The following ERMP1 variants were observed in gnomAD, a reference collection of about 807,000 sequenced individuals.
ERMP1 encodes the protein endoplasmic reticulum metallopeptidase 1, also known as Felix-ina.
A neutral mutation model predicts 92.0 loss-of-function variants in ERMP1; 86 were observed. That is an observed-to-expected ratio of 0.93 (90% CI 0.79 to 1.12). ERMP1 has a LOEUF of 1.12. ERMP1 is among the 50% of genes most tolerant of loss of function. The pLI is 0.00. For missense variants in ERMP1, 1,342 were observed against 1,116.3 expected, an observed-to-expected ratio of 1.20 and a Z score of -2.88; for synonymous variants, 530 against 412.8, an observed-to-expected ratio of 1.28 and a Z score of -3.44.
intron 13 of ERMP1, among the ~76,000 whole-genome samples, chr9:5,797,182 A>G (rs1828463326): frequency 6.6e-6 from 1 of 151,634 alleles, no homozygotes; most frequent in South Asian, 2.1e-4. Flanking sequence ...GACTACAGGC[A>G]TGCACCAACA....
chr9:5,822,074 C>T (rs1369078238), intron 4 of ERMP1, among the ~76,000 whole-genome samples: 2 of 151,524 alleles, frequency 1.3e-5, no homozygotes, highest in Admixed American at 1.3e-4. Flanking sequence ...GGCAACATGG[C>T]CAAACCCCAT....
intron 6 of ERMP1, among the ~76,000 whole-genome samples, chr9:5,844,493 C>G (rs1333662518): frequency 6.6e-6 from 1 of 152,140 alleles, no homozygotes; most frequent in African/African-American, 2.4e-5. Flanking sequence ...AGGCTGGTCT[C>G]AAACCCCTAG....
intron 5 of ERMP1, among the ~76,000 whole-genome samples, chr9:5,863,418 T>C (rs1830560839): frequency 1.3e-5 from 2 of 152,182 alleles, no homozygotes; most frequent in South Asian, 2.1e-4. Flanking sequence ...ACTCCTTGCA[T>C]CAAGGCTACT....
chr9:5,824,369 T>C (rs1170734021), intron 3 of ERMP1, among the ~76,000 whole-genome samples: 11 of 151,742 alleles, frequency 7.2e-5, no homozygotes, highest in Non-Finnish European at 2.9e-5. Context: ...AGCTCAGGAG[T>C]TCGAGACCAG....
intron 11 of ERMP1, among the ~76,000 whole-genome samples, chr9:5,800,106 G>A (rs1036572569): frequency 6.6e-6 from 1 of 152,132 alleles, no homozygotes; most frequent in African/African-American, 2.4e-5. Flanking sequence ...TTGCCCTTAA[G>A]GGTATATGTT....
At chr9:5,807,245 T>C (rs1338073496) in intron 8 of ERMP1, among the ~76,000 whole-genome samples, 1 of 152,192 alleles carries the variant, frequency 6.6e-6, no homozygotes, top group East Asian at 1.9e-4. Flanking sequence ...CTCACTGACC[T>C]GCCCAAAACA....
rs780186073 is a variant in ERMP1, at chr9:5,830,822, T to G, written c.545A>C (p.Asn182Thr). 1 of 1,614,088 alleles carries G rather than the reference T, an allele frequency of 6.2e-7. No individual in the cohort carries two copies. The highest frequency in any genetic ancestry group is 8.5e-7 in the Non-Finnish European group (1 of 1,179,936). The stretch of plus-strand genomic sequence containing the variant: ...CAGCTTTACCACAACATTGGTGATG[T>G]TGTCATAATAGCTTGTAAAACCTCC... Reference protein sequence around the residue: ...FLGGFTSYYDNITNVVVKLEP... With the variant: ...FLGGFTSYYDTITNVVVKLEP... Residue 182 changes from asparagine to threonine, a missense_variant, in exon 2 of 15, where the codon AAC (asparagine) becomes ACC (threonine). Coordinates refer to ENST00000339450, the MANE Select transcript of ERMP1 (RefSeq NM_024896.3).
intron 6 of ERMP1, among the ~76,000 whole-genome samples, chr9:5,854,204 T>C (rs1471396079): frequency 1.3e-5 from 2 of 152,052 alleles, no homozygotes; most frequent in Non-Finnish European, 2.9e-5. Context: ...CTCATATCTG[T>C]ATCTAGGTGC....
At chr9:5,854,386 C>T (rs1039497715) in intron 6 of ERMP1, among the ~76,000 whole-genome samples, 2 of 152,210 alleles carry the variant, frequency 1.3e-5, no homozygotes, top group African/African-American at 4.8e-5. Flanking sequence ...CAACCAGCTC[C>T]ATTCCCTTTA....
intron 13 of ERMP1, among the ~76,000 whole-genome samples, chr9:5,791,685 C>T (rs1828204334): frequency 6.6e-6 from 1 of 152,154 alleles, no homozygotes; most frequent in South Asian, 2.1e-4. Context: ...GACATTTCTC[C>T]TCCTCCTTTC....
chr9:5,824,536 G>A (rs1213766317), intron 3 of ERMP1, among the ~76,000 whole-genome samples: 2 of 152,076 alleles, frequency 1.3e-5, no homozygotes, highest in Non-Finnish European at 1.5e-5. Flanking sequence ...CCGAATAGCT[G>A]GGATTACAGG....
intron 4 of ERMP1, among the ~76,000 whole-genome samples, chr9:5,816,262 A>G (rs1239560191): frequency 6.6e-6 from 1 of 152,224 alleles, no homozygotes; most frequent in Non-Finnish European, 1.5e-5. Flanking sequence ...AACAACTGGA[A>G]AAATCTGAAT....
At chr9:5,824,986 C>T in intron 3 of ERMP1, 106 bp downstream of exon 3, 1 of 1,096,614 alleles carries the variant, frequency 9.1e-7, no homozygotes, top group Non-Finnish European at 1.3e-6. Flanking sequence ...TTATACTACC[C>T]ACAGGAGTCA....
At chr9:5,823,556 CT>C (rs913666047) in intron 4 of ERMP1, among the ~76,000 whole-genome samples, 2 of 152,184 alleles carry the variant, frequency 1.3e-5, no homozygotes, top group Admixed American at 6.5e-5. Flanking sequence ...CATTAAACAA[CT>C]GTGAAACCTT....
intron 5 of ERMP1, among the ~76,000 whole-genome samples, chr9:5,861,967 T>C (rs1000521918): frequency 6.6e-6 from 1 of 152,030 alleles, no homozygotes; most frequent in Non-Finnish European, 1.5e-5. Context: ...ACTAGTCCTT[T>C]AAAAGTTAAA....
At chr9:5,816,763 G>GA (rs1325040907) in intron 4 of ERMP1, among the ~76,000 whole-genome samples, 1 of 152,138 alleles carries the variant, frequency 6.6e-6, no homozygotes, top group African/African-American at 2.4e-5. Flanking sequence ...TGTTCGGCAA[G>GA]AAAAAAGAAT....
At chr9:5,844,892 T>C (rs2129742628) in intron 6 of ERMP1, among the ~76,000 whole-genome samples, 2 of 152,324 alleles carry the variant, frequency 1.3e-5, no homozygotes, top group East Asian at 3.9e-4. Context: ...TCTTCCCAAC[T>C]GGTCTACCAA....
intron 4 of ERMP1, among the ~76,000 whole-genome samples, chr9:5,818,295 G>C (rs1829398696): frequency 6.6e-6 from 1 of 151,940 alleles, no homozygotes; most frequent in Non-Finnish European, 1.5e-5. Context: ...TGGAGGAAAA[G>C]GTATGTCTGC....
intron 2 of ERMP1, among the ~76,000 whole-genome samples, chr9:5,828,240 T>C (rs866463553): frequency 7.2e-5 from 11 of 152,366 alleles, no homozygotes; most frequent in Admixed American, 2.6e-4. Context: ...GGCACTATGT[T>C]TGTAAAGAGT....
Sources: gnomAD v4.1 joint callset for allele counts (sites outside exome capture counted in the v4.1 genomes callset) on GRCh38, gnomAD v4.1.1 for gene constraint, MANE v1.5 for transcripts, NCBI Gene and HGNC (gene_info 2026-07-23, HGNC 2026-07-21) for gene names.